DUSP22: variants seen among roughly 807,000 people sequenced by gnomAD.
DUSP22 encodes the protein dual specificity phosphatase 22.
DUSP22 carries 24 observed loss-of-function variants against 24.5 expected under a neutral mutation model. The ratio of observed to expected loss-of-function variants is 0.98; its 90% CI spans 0.71 to 1.38. DUSP22 has a LOEUF of 1.38. Among genes scored for constraint, DUSP22 ranks in the 40% most tolerant of loss-of-function variants. DUSP22 has a pLI of 0.00. For missense variants in DUSP22, 330 were observed against 269.2 expected (o/e 1.23, Z -1.58); for synonymous variants, 160 against 106.4 (o/e 1.50, Z -3.10).
At chr6:348,444 G>T (rs111466994) in intron 6 of DUSP22, 170 bp downstream of exon 6, 9 of 1,158,704 alleles carry the variant, frequency 7.8e-6, no homozygotes, top group Admixed American at 2.7e-5. Context: ...ACGATCCCTC[G>T]TGCACCTGTT....
At chr6:331,276 GCT>G (rs2127410876) in intron 3 of DUSP22, among the ~76,000 whole-genome samples, 1 of 152,424 alleles carries the variant, frequency 6.6e-6, no homozygotes, top group East Asian at 1.9e-4. Flanking sequence ...GACTTTTATT[GCT>G]ACAGGAAGAC....
At chr6:333,093 C>G (rs531205624) in intron 3 of DUSP22, among the ~76,000 whole-genome samples, 36 of 152,404 alleles carry the variant, frequency 2.4e-4, no homozygotes, top group African/African-American at 8.7e-4. Context: ...TTTGTTTTCC[C>G]TTGAAGTCCG....
Position 350,946 on chromosome 6 carries a change from T to A in DUSP22, c.*1995T>A. 1.3e-6 allele frequency: 2 copies of A among 1,581,678 alleles called. No individual in the cohort carries two copies. The highest frequency in any genetic ancestry group is 2.2e-5 in the South Asian group (2 of 89,684). Reference sequence around the variant, plus strand: ...GCCAAAAAGAAAAGCAACATAGAGTTTAAGTATCCAGTAGTGATTTGTAAA... The same window carrying A: ...GCCAAAAAGAAAAGCAACATAGAGTATAAGTATCCAGTAGTGATTTGTAAA... On this transcript the variant is annotated 3_prime_UTR_variant, in exon 7 of 7. Coordinates refer to ENST00000419235, the MANE Select transcript of DUSP22 (RefSeq NM_001286555.3).
At chr6:299,127 T>G (rs1180519675) in intron 1 of DUSP22, among the ~76,000 whole-genome samples, 1 of 152,420 alleles carries the variant, frequency 6.6e-6, no homozygotes, top group East Asian at 1.9e-4. Context: ...AGTGGGACAT[T>G]CCCAAGTTGC....
intron 3 of DUSP22, among the ~76,000 whole-genome samples, chr6:329,119 A>G (rs900795150): frequency 6.6e-6 from 1 of 152,308 alleles, no homozygotes; most frequent in African/African-American, 2.4e-5. Flanking sequence ...TGCAAAGAGG[A>G]GACAGCTCAT....
chr6:309,679 A>AACACACACACACAC (rs759885887), intron 2 of DUSP22, among the ~76,000 whole-genome samples: 118 of 138,340 alleles, frequency 8.5e-4, no homozygotes, highest in Middle Eastern at 3.6e-3. Flanking sequence ...ACTCATGTAG[A>AACACACACACACAC]ACACACACAC....
intron 3 of DUSP22, among the ~76,000 whole-genome samples, chr6:322,830 T>TGGGGGGGGGG (rs61690495): frequency 1.1e-4 from 2 of 18,802 alleles, no homozygotes; most frequent in African/African-American, 3.7e-4. Context: ...GGCTGCTTGG[T>TGGGGGGGGGG]GGGGCGGGGG....
intron 3 of DUSP22, among the ~76,000 whole-genome samples, chr6:324,237 C>T (rs1011187985): frequency 7.9e-5 from 12 of 152,306 alleles, no homozygotes; most frequent in Admixed American, 2.0e-4. Context: ...GGGCTCTGAC[C>T]GAGGTGACCT....
chr6:347,581 T>C (rs1012642145), intron 5 of DUSP22, among the ~76,000 whole-genome samples: 5 of 152,424 alleles, frequency 3.3e-5, no homozygotes, highest in Non-Finnish European at 5.9e-5. Flanking sequence ...GTACTCTGCA[T>C]ATTTATGTCA....
chr6:349,132 C>A lies in DUSP22; in HGVS notation c.*181C>A, dbSNP rs984021406. ...GCTCCAGGCCCCTGCACTCCGCCCA[C>A]CCCTACCCTGGCTGCACCTGAGCTT... is the stretch of plus-strand genomic sequence containing the variant. On this transcript the variant is annotated 3_prime_UTR_variant, in exon 7 of 7. Transcript: ENST00000419235. 184 of 1,438,420 alleles carry A rather than the reference C, an allele frequency of 1.3e-4. No homozygotes were observed. Among genetic ancestry groups the A allele is most frequent in the Non-Finnish European group, 1.5e-4 (169 of 1,102,672 alleles). The allele number at this position is 1,438,420 out of a possible 1,614,324, so 89.1% of individuals were successfully genotyped here. A position where few individuals can be genotyped will look rare whatever the true frequency, so the allele number is the denominator to read the frequency against.
intron 1 of DUSP22, among the ~76,000 whole-genome samples, chr6:298,176 A>T (rs532233687): frequency 2.7e-4 from 41 of 152,420 alleles, no homozygotes; most frequent in Middle Eastern, 3.4e-3. Flanking sequence ...TGAAGAACAG[A>T]TGTTAAAGGC....
chr6:346,773 T>C (rs1414267352), intron 5 of DUSP22, among the ~76,000 whole-genome samples: 7 of 152,310 alleles, frequency 4.6e-5, no homozygotes, highest in South Asian at 2.1e-4. Flanking sequence ...GTAAGCTCTT[T>C]AGGACTGTGA....
chr6:345,691 G>T (rs1759830847), intron 4 of DUSP22, among the ~76,000 whole-genome samples, 163 bp from the exon 5 acceptor site: 1 of 152,306 alleles, frequency 6.6e-6, no homozygotes, highest in Admixed American at 6.5e-5. Flanking sequence ...ATGTATACAT[G>T]CATTGAAGTG....
chr6:319,088 A>G (rs139009257), intron 3 of DUSP22, among the ~76,000 whole-genome samples: 2,021 of 151,060 alleles, frequency 0.013, 1 homozygote, highest in Non-Finnish European at 0.022. Flanking sequence ...CTAGAGAACT[A>G]GAATGGGAGG....
At chr6:302,140 C>T (rs542834807) in intron 1 of DUSP22, among the ~76,000 whole-genome samples, 71 of 152,394 alleles carry the variant, frequency 4.7e-4, no homozygotes, top group Non-Finnish European at 8.8e-5. Context: ...CCGCCATCGC[C>T]GTCACGGAGG....
rs1430808703 is a variant in DUSP22, at chr6:348,878, C to T, written c.545C>T (p.Pro182Leu). The T allele has an allele frequency of 1.2e-6, 2 of 1,614,132 alleles. No individual in the cohort carries two copies. Among genetic ancestry groups the T allele is most frequent in the Non-Finnish European group, 1.7e-6 (2 of 1,180,046 alleles). Reference sequence around the variant, plus strand: ...GAGCAAGGGCGCACAGAGCCCCAGCCCGGCGCCAGGCGGTGGAGCAGTTTT... The same window carrying T: ...GAGCAAGGGCGCACAGAGCCCCAGCTCGGCGCCAGGCGGTGGAGCAGTTTT... ...YKEQGRTEPQ[P>L]GARRWSSFPA... The change falls in exon 7 of 7, where the codon CCC (proline) becomes CTC (leucine). Residue 182 changes from proline to leucine, a missense_variant. Transcript: ENST00000419235.
intron 3 of DUSP22, among the ~76,000 whole-genome samples, chr6:328,556 C>G (rs1441218883): frequency 6.6e-6 from 1 of 152,304 alleles, no homozygotes; most frequent in African/African-American, 2.4e-5. Flanking sequence ...GAGGCTAAAT[C>G]TTGTCTCTCC....
intron 2 of DUSP22, among the ~76,000 whole-genome samples, chr6:308,158 A>G (rs1369050335): frequency 6.6e-6 from 1 of 150,582 alleles, no homozygotes; most frequent in African/African-American, 2.5e-5. Context: ...CATGGGGTCT[A>G]CTTGATGCTC....
At chr6:345,082 G>A (rs1364960858) in intron 4 of DUSP22, among the ~76,000 whole-genome samples, 1 of 152,308 alleles carries the variant, frequency 6.6e-6, no homozygotes, top group Non-Finnish European at 1.5e-5. Context: ...ACAACCCACA[G>A]CCTTCCCTAG....
Sources: allele counts gnomAD v4.1 joint callset (sites outside exome capture counted in the v4.1 genomes callset), GRCh38; gene constraint gnomAD v4.1.1; transcripts MANE v1.5; gene names NCBI Gene and HGNC (gene_info 2026-07-23, HGNC 2026-07-21).